ITGB6: variants seen among roughly 807,000 people sequenced by gnomAD.
ITGB6 encodes the protein integrin subunit beta 6.
In ITGB6, 80 loss-of-function variants were observed where a neutral mutation model predicts 84.5. That is an observed-to-expected ratio of 0.95 (90% CI 0.79 to 1.14). The LOEUF (loss-of-function observed/expected upper bound fraction) is 1.14. ITGB6 is among the 50% of genes most tolerant of loss of function. ITGB6 has a pLI of 0.00. For synonymous variants in ITGB6, 383 were observed against 354.9 expected (o/e 1.08, Z -0.89); for missense variants, 1,006 against 968.0 (o/e 1.04, Z -0.52).
chr2:160,188,464 G>A (rs929603823), intron 4 of ITGB6, among the ~76,000 whole-genome samples: 1 of 151,930 alleles, frequency 6.6e-6, no homozygotes, highest in Non-Finnish European at 1.5e-5. Flanking sequence ...TCTCCTTCAG[G>A]TCTCCAATTT....
intron 7 of ITGB6, among the ~76,000 whole-genome samples, chr2:160,152,920 T>C (rs961568192): frequency 1.3e-5 from 2 of 151,050 alleles, no homozygotes; most frequent in African/African-American, 4.8e-5. Flanking sequence ...CAAGGCAAAC[T>C]ACAAATGAAA....
At chr2:160,120,668 T>TAAAAAAAAA (rs200095827) in intron 12 of ITGB6, among the ~76,000 whole-genome samples, 4 of 16,116 alleles carry the variant, frequency 2.5e-4, no homozygotes, top group African/African-American at 3.1e-4. Context: ...AGAGTATAAT[T>TAAAAAAAAA]AAAAAAAAAA....
At chr2:160,190,906 T>C (rs1283910288) in intron 4 of ITGB6, among the ~76,000 whole-genome samples, 1 of 152,200 alleles carries the variant, frequency 6.6e-6, no homozygotes, top group Non-Finnish European at 1.5e-5. Flanking sequence ...ATCTGTGACA[T>C]GAGGAATGAT....
At chr2:160,132,632 G>A (rs1350227795) in intron 10 of ITGB6, among the ~76,000 whole-genome samples, 4 of 152,064 alleles carry the variant, frequency 2.6e-5, no homozygotes, top group African/African-American at 9.7e-5. Flanking sequence ...TCAGCATTCA[G>A]TTAATATTTC....
At chr2:160,186,571 T>A (rs985727833) in intron 4 of ITGB6, among the ~76,000 whole-genome samples, 1 of 152,106 alleles carries the variant, frequency 6.6e-6, no homozygotes, top group Non-Finnish European at 1.5e-5. Flanking sequence ...TCCTCAAGGA[T>A]CTAGAACCAG....
Position 160,137,720 on chromosome 2 carries a change from T to C in ITGB6, c.1374A>G (p.Lys458=), listed in dbSNP as rs776838751. 1 of 1,614,220 alleles carries C rather than the reference T, an allele frequency of 6.2e-7. No homozygotes were observed. Among genetic ancestry groups the C allele is most frequent in the Non-Finnish European group, 8.5e-7 (1 of 1,180,034 alleles). The change falls in exon 10 of 15, where the codon AAA becomes AAG. Residue 458 remains lysine, a synonymous_variant. Coordinates refer to ENST00000283249, the MANE Select transcript of ITGB6 (RefSeq NM_000888.5). ...VSPECNCDCQ[K]EVEVNSSKCH... is the part of the protein sequence containing the mutation. ...ATTTGGAGCTGTTCACTTCCACTTC[T>C]TTCTGACAGTCGCAGTTGCATTCTG...
chr2:160,125,783 T>C (rs1278049097), intron 11 of ITGB6, among the ~76,000 whole-genome samples: 1 of 147,164 alleles, frequency 6.8e-6, no homozygotes, highest in Non-Finnish European at 1.5e-5. Context: ...TTGTGAGGTT[T>C]CATTGTTGTT....
chr2:160,122,825 C>A (rs1683095453), intron 12 of ITGB6, among the ~76,000 whole-genome samples: 2 of 152,168 alleles, frequency 1.3e-5, no homozygotes, highest in Non-Finnish European at 2.9e-5. Context: ...TCAATCCATG[C>A]TGGAAATGGA....
At chr2:160,189,030 G>A (rs1206563894) in intron 4 of ITGB6, among the ~76,000 whole-genome samples, 1 of 152,016 alleles carries the variant, frequency 6.6e-6, no homozygotes, top group Non-Finnish European at 1.5e-5. Flanking sequence ...ACAGAACAGA[G>A]CCCTCAGAAA....
intron 10 of ITGB6, 128 bp from the exon 11 acceptor site, chr2:160,126,729 A>G: frequency 1.2e-6 from 1 of 827,162 alleles, no homozygotes; most frequent in Non-Finnish European, 1.9e-6. Flanking sequence ...TGAGAAAAAA[A>G]GTATGTGTGT....
At chr2:160,174,608 A>G (rs1339890226) in intron 4 of ITGB6, among the ~76,000 whole-genome samples, 1 of 152,160 alleles carries the variant, frequency 6.6e-6, no homozygotes, top group African/African-American at 2.4e-5. Flanking sequence ...CTGCCTGCCA[A>G]GGGCCCAACA....
intron 14 of ITGB6, among the ~76,000 whole-genome samples, chr2:160,103,078 T>C (rs1251976968): frequency 1.3e-5 from 2 of 152,202 alleles, no homozygotes; most frequent in African/African-American, 2.4e-5. Context: ...ACTGAGTATG[T>C]ATGGAATCCA....
At chr2:160,137,053 A>T (rs183802616) in intron 10 of ITGB6, among the ~76,000 whole-genome samples, 3,627 of 72,962 alleles carry the variant, frequency 0.05, 137 homozygotes, top group African/African-American at 0.25. Flanking sequence ...AAGTATAAAT[A>T]AAAAAAAAAA....
chr2:160,133,543 C>T (rs1196862455), intron 10 of ITGB6, among the ~76,000 whole-genome samples: 2 of 152,156 alleles, frequency 1.3e-5, no homozygotes, highest in Non-Finnish European at 2.9e-5. Context: ...CTCAGCTCTG[C>T]ACCAAGCAGA....
chr2:160,166,643 G>A (rs895799597), intron 7 of ITGB6, among the ~76,000 whole-genome samples: 3 of 152,114 alleles, frequency 2.0e-5, no homozygotes, highest in African/African-American at 7.2e-5. Context: ...CAAAATGGTA[G>A]TTAGCACTAG....
chr2:160,137,002 G>A (rs868118962), intron 10 of ITGB6, among the ~76,000 whole-genome samples: 24 of 150,122 alleles, frequency 1.6e-4, no homozygotes, highest in African/African-American at 5.9e-4. Context: ...GTATATATAC[G>A]TAACAAACCT....
chr2:160,196,106 C>A, intron 3 of ITGB6, 110 bp downstream of exon 3: 1 of 917,722 alleles, frequency 1.1e-6, no homozygotes, highest in South Asian at 1.6e-5. Context: ...ATGGGAAATT[C>A]GAGTCATAAT....
At position 160,100,090 on chromosome 2, in the gene ITGB6, A is replaced by C. The variant is rs1466470301; in HGVS notation, c.*1646T>G. On this transcript the variant is annotated 3_prime_UTR_variant, in exon 15 of 15. Transcript: ENST00000283249. ...TGATTTTTCAGTAATTCTTTCACCT[A>C]GCCCTGTACTCTGTAAAGGTCTGAT... 1 of 152,216 alleles carries C rather than the reference A, an allele frequency of 6.6e-6. No homozygotes were observed. Among genetic ancestry groups the C allele is most frequent in the Admixed American group, 6.5e-5 (1 of 15,288 alleles). The allele number at this position is 152,216 out of a possible 1,614,324, so 9.4% of individuals were successfully genotyped here.
Position 160,195,354 on chromosome 2 carries a change from G to T in ITGB6, c.593+15C>A, listed in dbSNP as rs760120172. 6 of 1,613,558 alleles carry T rather than the reference G, an allele frequency of 3.7e-6. No individual in the cohort carries two copies. Among genetic ancestry groups the T allele is most frequent in the Non-Finnish European group, 5.1e-6 (6 of 1,179,718 alleles). ...AAATCAGCGCACAAAGATGCCAAGAGAATCATTTACTTACCTGCAAGGGTT... is the reference window on the plus strand; with the variant it reads ...AAATCAGCGCACAAAGATGCCAAGATAATCATTTACTTACCTGCAAGGGTT... On this transcript the variant is annotated intron_variant, in intron 4 of 14. Transcript: ENST00000283249.
Sources: allele counts gnomAD v4.1 joint callset (sites outside exome capture counted in the v4.1 genomes callset), GRCh38; gene constraint gnomAD v4.1.1; transcripts MANE v1.5; gene names NCBI Gene and HGNC (gene_info 2026-07-23, HGNC 2026-07-21).